Variants in INPP5D observed in about 807,000 individuals in gnomAD.
INPP5D encodes phosphatidylinositol 3,4,5-trisphosphate 5-phosphatase 1.
INPP5D carries 33 observed loss-of-function variants against 122.9 expected under a neutral mutation model. The observed-to-expected ratio is 0.27, with a 90% confidence interval of 0.20 to 0.36. The LOEUF is 0.36. Ranked by LOEUF, INPP5D falls within the 10% of genes least tolerant of loss-of-function variation. The probability of loss-of-function intolerance (pLI) is 1.00; values close to 1 mark genes in which losing one functional copy is unlikely to be tolerated. For missense variants in INPP5D, 1,053 were observed against 1,412.7 expected (o/e 0.75, Z 4.08); for synonymous variants, 584 against 576.2 (o/e 1.01, Z -0.19).
Position 233,060,445 on chromosome 2 carries a change from C to A in INPP5D, c.-34C>A, listed in dbSNP as rs775472704. ...CGGTGGTGTGTGGGTCCTGGGGGTG[C>A]CTGCCGGCCCGGCCGAGGAGGCCCA... On this transcript the variant is annotated 5_prime_UTR_variant, in exon 1 of 27. Coordinates refer to ENST00000445964, the MANE Select transcript of INPP5D (RefSeq NM_001017915.3). 8.2e-5 allele frequency: 128 copies of A among 1,561,778 alleles called. No individual in the cohort carries two copies. The East Asian group carries it at 2.9e-3, about 36-fold the overall frequency.
chr2:233,161,911 C>T (rs751418147), intron 11 of INPP5D, 85 bp downstream of exon 11: 31 of 1,513,086 alleles, frequency 2.0e-5, no homozygotes, highest in Admixed American at 6.2e-5. Context: ...GGTGGAGTGA[C>T]GACATCCATG....
chr2:233,159,436 G>A (rs1317298414), intron 10 of INPP5D, among the ~76,000 whole-genome samples: 1 of 152,028 alleles, frequency 6.6e-6, no homozygotes, highest in Non-Finnish European at 1.5e-5. Flanking sequence ...GGTGCCTTAT[G>A]CCCATAATCC....
intron 2 of INPP5D, among the ~76,000 whole-genome samples, chr2:233,109,703 C>G: frequency 6.7e-6 from 1 of 150,296 alleles, no homozygotes; most frequent in Non-Finnish European, 1.5e-5. Context: ...CTCAGCCTCC[C>G]GAGTAGCTGG....
chr2:233,192,343 T>G (rs895934406), intron 22 of INPP5D, among the ~76,000 whole-genome samples: 2 of 152,228 alleles, frequency 1.3e-5, no homozygotes, highest in African/African-American at 4.8e-5. Context: ...CCGCTTCATA[T>G]TCATACTCAC....
intron 20 of INPP5D, among the ~76,000 whole-genome samples, chr2:233,185,546 G>A (rs1036280455): frequency 7.2e-5 from 11 of 151,748 alleles, no homozygotes; most frequent in Non-Finnish European, 1.3e-4. Context: ...TGCCTGTGAT[G>A]TGATGATTTC....
chr2:233,125,435 C>T (rs1029334203), intron 3 of INPP5D, among the ~76,000 whole-genome samples: 40 of 152,372 alleles, frequency 2.6e-4, no homozygotes, highest in Admixed American at 2.0e-3. Context: ...ACTCATCCTG[C>T]TCACCTGCCT....
Position 233,183,498 on chromosome 2 carries a change from C to A in INPP5D, c.2162-910C>A, listed in dbSNP as rs1427770939. On this transcript the variant is annotated intron_variant, in intron 19 of 26. Transcript: ENST00000445964. The surrounding 1 kb of genome is among the most constrained non-coding windows in gnomAD (Gnocchi z 4.6). ...TCTGGCCACTGTGCCTTTCTAGAAT[C>A]TTCCTAGTCCTTAGGCAGGACCTCT... Among the ~76,000 whole-genome samples the A allele has an allele frequency of 6.6e-6, 1 of 152,196 alleles. No homozygotes were observed. The highest frequency in any genetic ancestry group is 2.4e-5 in the African/African-American group (1 of 41,442).
At chr2:233,107,162 G>A (rs1692488242) in intron 2 of INPP5D, among the ~76,000 whole-genome samples, 2 of 152,314 alleles carry the variant, frequency 1.3e-5, no homozygotes, top group African/African-American at 4.8e-5. Context: ...TGGCATGAGG[G>A]TTTCCCCAGC....
chr2:233,140,157 T>C, intron 6 of INPP5D: 1 of 329,240 alleles, frequency 3.0e-6, no homozygotes, highest in Non-Finnish European at 5.5e-6. Context: ...GATTTCAAAT[T>C]ATGCACTCAT....
intron 1 of INPP5D, among the ~76,000 whole-genome samples, chr2:233,072,796 T>C (rs184919740): frequency 9.8e-5 from 15 of 152,380 alleles, no homozygotes; most frequent in Middle Eastern, 3.4e-3. Flanking sequence ...TCTTTTATTG[T>C]GGCTGTCTTC....
At chr2:233,089,864 G>C (rs1228623031) in intron 2 of INPP5D, among the ~76,000 whole-genome samples, 1 of 152,184 alleles carries the variant, frequency 6.6e-6, no homozygotes, top group Non-Finnish European at 1.5e-5. Flanking sequence ...AGGGAGAAGC[G>C]TCTCAGGAAA....
intron 9 of INPP5D, among the ~76,000 whole-genome samples, chr2:233,148,043 G>C (rs1574764880): frequency 6.6e-6 from 1 of 152,354 alleles, no homozygotes; most frequent in Middle Eastern, 3.4e-3. Context: ...TTAGGCTAGA[G>C]CCCAGCATGT....
chr2:233,093,939 C>T (rs1424335155), intron 2 of INPP5D, among the ~76,000 whole-genome samples: 1 of 152,112 alleles, frequency 6.6e-6, no homozygotes, highest in East Asian at 1.9e-4. Context: ...CTTCTGCCTC[C>T]TGGCCCGTTT....
chr2:233,165,277 ATG>A (rs1411033427), intron 13 of INPP5D, among the ~76,000 whole-genome samples: 2 of 151,724 alleles, frequency 1.3e-5, no homozygotes, highest in Admixed American at 6.6e-5. Flanking sequence ...GAATCTATGC[ATG>A]TGTTTGAGTG....
chr2:233,200,469 T>G (rs1261923810), intron 25 of INPP5D, among the ~76,000 whole-genome samples: 1 of 152,190 alleles, frequency 6.6e-6, no homozygotes, highest in African/African-American at 2.4e-5. Flanking sequence ...AACACTGGTT[T>G]TTTCTTCATC....
At position 233,204,382 on chromosome 2, in the gene INPP5D, G is replaced by A; in HGVS notation, c.3232G>A (p.Val1078Met). The change falls in exon 26 of 27, where the codon GTG becomes ATG. Residue 1078 changes from valine to methionine, a missense_variant. By Grantham distance (21) the Val-to-Met change is conservative. Around this residue, in one of 6 missense-constraint regions of INPP5D, gnomAD observed 417 missense variants for 425.8 expected, o/e 0.98. Transcript: ENST00000445964. ...ADRGEGPGKQ[V>M]PAPRLRSFTC... ...TCGCGGCGAGGGGCCCGGCAAGCAG[G>A]TGCCCGCGCCCCGGCTGCGCTCCTT... is the stretch of plus-strand genomic sequence containing the variant. 1.9e-6 allele frequency: 3 copies of A among 1,610,334 alleles called. No individual in the cohort carries two copies. Among genetic ancestry groups the A allele is most frequent in the Non-Finnish European group, 2.5e-6 (3 of 1,178,458 alleles).
chr2:233,154,419 T>A (rs1276487500), intron 9 of INPP5D, among the ~76,000 whole-genome samples: 1 of 152,088 alleles, frequency 6.6e-6, no homozygotes, highest in East Asian at 1.9e-4. Context: ...AAAGTGCTGG[T>A]GTTCCTGGAC....
chr2:233,109,023 TA>T (rs1692537525), intron 2 of INPP5D, among the ~76,000 whole-genome samples: 1 of 152,114 alleles, frequency 6.6e-6, no homozygotes, highest in Non-Finnish European at 1.5e-5. Flanking sequence ...TTCCAGAAGC[TA>T]AATCAAGCCA....
At chr2:233,077,125 CT>C (rs931828050) in intron 1 of INPP5D, among the ~76,000 whole-genome samples, 2 of 152,088 alleles carry the variant, frequency 1.3e-5, no homozygotes, top group East Asian at 1.9e-4. Flanking sequence ...CCTCTATGAT[CT>C]TTTTTGGTGA....
Sources: allele counts gnomAD v4.1 joint callset (sites outside exome capture counted in the v4.1 genomes callset), GRCh38; gene constraint gnomAD v4.1.1; regional missense constraint gnomAD v4.1.1; non-coding constraint Gnocchi (gnomAD v3.1); transcripts MANE v1.5; gene names NCBI Gene and HGNC (gene_info 2026-07-23, HGNC 2026-07-21).